GRIN2B: variants seen among roughly 807,000 people sequenced by gnomAD.
The protein encoded by GRIN2B is glutamate ionotropic receptor NMDA type subunit 2B.
In GRIN2B, 5 loss-of-function variants were observed where a neutral mutation model predicts 114.5. The observed-to-expected ratio is 0.04, with a 90% confidence interval of 0.02 to 0.09. The LOEUF (loss-of-function observed/expected upper bound fraction) is 0.09, where lower values mean the gene tolerates loss of function less well. GRIN2B is among the 10% of genes least tolerant of loss of function. The pLI is 1.00. For missense variants in GRIN2B, 1,108 were observed against 1,943.5 expected (o/e 0.57, Z 8.08); for synonymous variants, 787 against 745.1 (o/e 1.06, Z -0.92).
rs1314805334 is a variant in GRIN2B at position 13,675,767 on chromosome 12, T to G, written c.1103A>C (p.Asn368Thr). The G allele has an allele frequency of 3.1e-6, 5 of 1,606,240 alleles. No homozygotes were observed. Among genetic ancestry groups the G allele is most frequent in the Non-Finnish European group, 8.5e-7 (1 of 1,172,988 alleles). ...TACCCTTTCCCACTTCCTCTCCTTG[T>G]TCAGAAGAATTATCACCAGTTTCGG... is the stretch of plus-strand genomic sequence containing the variant. ...MHPKLVIILL[N>T]KERKWERVGK... The change falls in exon 5 of 14, where the codon AAC (asparagine) becomes ACC (threonine). Residue 368 changes from asparagine (N) to threonine (T), a missense_variant. This residue lies in a region of GRIN2B where 199 missense variants were observed against 439.6 expected (regional missense o/e 0.45). Transcript: ENST00000609686.
intron 10 of GRIN2B, among the ~76,000 whole-genome samples, chr12:13,575,843 T>C (rs577009370): frequency 2.2e-4 from 33 of 152,228 alleles, no homozygotes; most frequent in African/African-American, 7.2e-4. Flanking sequence ...GGACCTACCC[T>C]CTTTTCTGGA....
intron 2 of GRIN2B, among the ~76,000 whole-genome samples, chr12:13,877,181 G>A (rs1591598575): frequency 6.6e-6 from 1 of 152,092 alleles, no homozygotes; most frequent in African/African-American, 2.4e-5. Context: ...CTTGGTCTCT[G>A]AGCTATAGGA....
chr12:13,735,007 G>T lies in GRIN2B; in HGVS notation c.1010+18310C>A, dbSNP rs567764432. On this transcript the variant is annotated intron_variant, in intron 4 of 13. Coordinates refer to ENST00000609686, the MANE Select transcript of GRIN2B (RefSeq NM_000834.5). ...ATAAGGTGGGGAGTTGGAGGAGAGG[G>T]TAGTTAAATAAGATAAGCCCAATTA... 8.9e-4 allele frequency among the ~76,000 whole-genome samples: 136 copies of T among 152,274 alleles called. 2 individuals carry two copies. In the South Asian group the frequency reaches 0.019, roughly 21 times the overall value.
chr12:13,578,721 C>G (rs1948808228), intron 10 of GRIN2B, among the ~76,000 whole-genome samples: 1 of 152,064 alleles, frequency 6.6e-6, no homozygotes, highest in Non-Finnish European at 1.5e-5. Flanking sequence ...CAGATAATTT[C>G]AAATAGTGAA....
intron 4 of GRIN2B, among the ~76,000 whole-genome samples, chr12:13,696,798 G>A (rs1950263470): frequency 6.6e-6 from 1 of 152,138 alleles, no homozygotes; most frequent in Non-Finnish European, 1.5e-5. Flanking sequence ...TACTAATGGA[G>A]GACAGGGAGG....
intron 2 of GRIN2B, among the ~76,000 whole-genome samples, chr12:13,926,304 C>T (rs1399781695): frequency 6.6e-6 from 1 of 152,214 alleles, no homozygotes; most frequent in Non-Finnish European, 1.5e-5. Context: ...TCGTCACTTC[C>T]AGGTTCACTG....
chr12:13,787,983 C>A (rs1480787608), intron 3 of GRIN2B, among the ~76,000 whole-genome samples: 4 of 152,148 alleles, frequency 2.6e-5, no homozygotes, highest in African/African-American at 9.7e-5. Context: ...CATAGCAGCC[C>A]CACGCCTCTC....
intron 5 of GRIN2B, among the ~76,000 whole-genome samples, chr12:13,665,151 GTGTGTGTGTGTGTGTT>G (rs1949961377): frequency 1.9e-5 from 1 of 52,654 alleles, no homozygotes; most frequent in Admixed American, 3.0e-4. Context: ...GTGTGTTTGT[GTGTGTGTGTGTGTGTT>G]TGTGTGTGTG....
At chr12:13,977,873 C>T (rs1262079251) in intron 2 of GRIN2B, among the ~76,000 whole-genome samples, 2 of 152,222 alleles carry the variant, frequency 1.3e-5, no homozygotes, top group African/African-American at 4.8e-5. Context: ...GATTACCTCT[C>T]CTTTCCCTTT....
intron 4 of GRIN2B, among the ~76,000 whole-genome samples, chr12:13,696,253 C>G (rs906804496): frequency 6.6e-6 from 1 of 152,126 alleles, no homozygotes; most frequent in African/African-American, 2.4e-5. Flanking sequence ...GTGAGGGAAA[C>G]AGCATCCCAC....
At chr12:13,606,763 G>A (rs1394393496) in intron 10 of GRIN2B, among the ~76,000 whole-genome samples, 2 of 152,108 alleles carry the variant, frequency 1.3e-5, no homozygotes, top group African/African-American at 4.8e-5. Context: ...ATTTTAGTTA[G>A]GGTCGTGATG....
At chr12:13,952,272 G>A (rs1289470003) in intron 2 of GRIN2B, among the ~76,000 whole-genome samples, 1 of 152,128 alleles carries the variant, frequency 6.6e-6, no homozygotes, top group Non-Finnish European at 1.5e-5. Flanking sequence ...GATCTCTGAA[G>A]CACTCGATTC....
At chr12:13,662,562 G>A (rs550677476) in intron 5 of GRIN2B, among the ~76,000 whole-genome samples, 4 of 152,246 alleles carry the variant, frequency 2.6e-5, no homozygotes, top group South Asian at 2.1e-4. Flanking sequence ...TTGTTTATAT[G>A]TTTGTTGTCT....
chr12:13,594,485 G>A (rs758163580), intron 10 of GRIN2B, among the ~76,000 whole-genome samples: 6 of 151,472 alleles, frequency 4.0e-5, no homozygotes, highest in South Asian at 4.2e-4. Flanking sequence ...GAGAACACAC[G>A]GACACAGGGA....
chr12:13,767,797 CA>C (rs1863826519), intron 3 of GRIN2B, among the ~76,000 whole-genome samples: 3 of 152,140 alleles, frequency 2.0e-5, no homozygotes, highest in Admixed American at 6.5e-5. Context: ...TGAAGGTGCA[CA>C]GGTTATCAAA....
At chr12:13,923,528 A>G (rs926429726) in intron 2 of GRIN2B, among the ~76,000 whole-genome samples, 1 of 152,228 alleles carries the variant, frequency 6.6e-6, no homozygotes, top group Non-Finnish European at 1.5e-5. Flanking sequence ...TCTATGGTAC[A>G]TTGTCTGAGT....
Position 13,559,166 on chromosome 12 carries a change from A to AT in GRIN2B, c.*3616dup, listed in dbSNP as rs1387621942. ...TATTCTGGAATTAAGTAACATCTAGATTTTAACAATGCCCAGCCTTCCTTT... is the reference window on the plus strand; with the variant it reads ...TATTCTGGAATTAAGTAACATCTAGATTTTTAACAATGCCCAGCCTTCCTTT... On this transcript the variant is annotated 3_prime_UTR_variant, in exon 14 of 14. Transcript: ENST00000609686. The AT allele has an allele frequency of 3.3e-5, 5 of 151,238 alleles. No individual in the cohort carries two copies. Among genetic ancestry groups the AT allele is most frequent in the African/African-American group, 4.9e-5 (2 of 40,726 alleles). The allele number at this position is 151,238 out of a possible 1,614,324, so 9.4% of individuals were successfully genotyped here.
intron 4 of GRIN2B, among the ~76,000 whole-genome samples, chr12:13,737,647 C>G (rs1297919313): frequency 6.6e-6 from 1 of 152,162 alleles, no homozygotes; most frequent in Non-Finnish European, 1.5e-5. Flanking sequence ...GTCTGTTCAT[C>G]CAGGCACCTT....
At chr12:13,635,090 T>C (rs778518796) in intron 5 of GRIN2B, among the ~76,000 whole-genome samples, 14 of 152,176 alleles carry the variant, frequency 9.2e-5, no homozygotes, top group Admixed American at 2.6e-4. Flanking sequence ...CAGAGAGTGA[T>C]AGATTTCATT....
Sources: gnomAD v4.1 joint callset for allele counts (sites outside exome capture counted in the v4.1 genomes callset) on GRCh38, gnomAD v4.1.1 for gene constraint, gnomAD v4.1.1 regional missense constraint, MANE v1.5 for transcripts, NCBI Gene and HGNC (gene_info 2026-07-23, HGNC 2026-07-21) for gene names.